The following FARP1 variants were observed in gnomAD, a reference collection of about 807,000 sequenced individuals.
FARP1 encodes the protein FERM, ARHGEF and pleckstrin domain-containing protein 1.
In FARP1, 52 loss-of-function variants were observed where a neutral mutation model predicts 128.8. That is an observed-to-expected ratio of 0.40 (90% CI 0.32 to 0.51). The LOEUF is 0.51. Among genes scored for constraint, FARP1 ranks in the 20% least tolerant of loss-of-function variants. The pLI is 0.45. For missense variants in FARP1, 1,333 were observed against 1,367.9 expected (o/e 0.97, Z 0.40); for synonymous variants, 580 against 551.8 (o/e 1.05, Z -0.72).
At chr13:98,318,023 C>T (rs1328572652) in intron 2 of FARP1, among the ~76,000 whole-genome samples, 1 of 148,950 alleles carries the variant, frequency 6.7e-6, no homozygotes, top group Non-Finnish European at 1.5e-5. Flanking sequence ...TCATCTCCTT[C>T]TTCCTCCTCC....
chr13:98,232,353 G>A (rs1240305896), intron 2 of FARP1, among the ~76,000 whole-genome samples: 2 of 152,284 alleles, frequency 1.3e-5, no homozygotes, highest in Admixed American at 6.5e-5. Context: ...CATGCTAGGA[G>A]TGTAGATTTC....
intron 1 of FARP1, among the ~76,000 whole-genome samples, chr13:98,160,778 T>C (rs560358094): frequency 4.6e-5 from 7 of 152,194 alleles, no homozygotes; most frequent in Non-Finnish European, 1.0e-4. Flanking sequence ...TTCTCCTGCC[T>C]CAGCCTCCTG....
At chr13:98,318,240 G>A (rs1044289640) in intron 2 of FARP1, among the ~76,000 whole-genome samples, 2 of 148,044 alleles carry the variant, frequency 1.4e-5, no homozygotes, top group African/African-American at 5.0e-5. Flanking sequence ...ATTTTTTTTT[G>A]TGGAGATATG....
chr13:98,286,798 T>C (rs973902278), intron 2 of FARP1, among the ~76,000 whole-genome samples: 4 of 152,192 alleles, frequency 2.6e-5, no homozygotes, highest in African/African-American at 9.7e-5. Flanking sequence ...CTTGTTGTTG[T>C]TTAAAGAAAT....
At chr13:98,344,195 G>A (rs1888084825) in intron 3 of FARP1, among the ~76,000 whole-genome samples, 1 of 152,184 alleles carries the variant, frequency 6.6e-6, no homozygotes, top group African/African-American at 2.4e-5. Context: ...AGAACTGTAG[G>A]CAGATTGGAA....
intron 6 of FARP1, chr13:98,382,606 G>A (rs1318243245): frequency 6.6e-6 from 1 of 152,124 alleles, no homozygotes; most frequent in Non-Finnish European, 1.5e-5. Context: ...CTGAAAATTC[G>A]CTTATTTACT....
chr13:98,278,292 ATGTG>A (rs61379815), intron 2 of FARP1, among the ~76,000 whole-genome samples: 15 of 149,468 alleles, frequency 1.0e-4, no homozygotes, highest in East Asian at 2.0e-4. Flanking sequence ...GTGTGTATGT[ATGTG>A]TGTGTGTGTG....
chr13:98,389,320 G>A (rs1890217711), intron 9 of FARP1, among the ~76,000 whole-genome samples: 1 of 152,204 alleles, frequency 6.6e-6, no homozygotes, highest in Admixed American at 6.5e-5. Flanking sequence ...AGTTAGAACT[G>A]CTGGGAATGC....
At chr13:98,367,806 C>T (rs758689064) in intron 4 of FARP1, among the ~76,000 whole-genome samples, 1 of 152,148 alleles carries the variant, frequency 6.6e-6, no homozygotes, top group African/African-American at 2.4e-5. Flanking sequence ...CAATTAGATA[C>T]ATTTTTGAAG....
At chr13:98,200,387 AC>A (rs34861204) in intron 1 of FARP1, among the ~76,000 whole-genome samples, 10,761 of 127,376 alleles carry the variant, frequency 0.084, 476 homozygotes, top group African/African-American at 0.18. Context: ...TGCAACCTTC[AC>A]CCCCCCCCCC....
intron 2 of FARP1, among the ~76,000 whole-genome samples, chr13:98,294,649 G>A (rs1326519068): frequency 1.3e-5 from 2 of 152,182 alleles, no homozygotes; most frequent in African/African-American, 4.8e-5. Context: ...GCACTTTAGA[G>A]ATTGGCTTTG....
intron 2 of FARP1, among the ~76,000 whole-genome samples, chr13:98,277,148 A>ACACACACACACACACACACCCC (rs372627844): frequency 2.2e-5 from 3 of 138,654 alleles, no homozygotes; most frequent in East Asian, 2.0e-4. Flanking sequence ...ACACACACAC[A>ACACACACACACACACACACCCC]CCCCATATGT....
intron 6 of FARP1, chr13:98,383,731 T>C (rs935002882): frequency 1.3e-5 from 2 of 152,236 alleles, no homozygotes; most frequent in African/African-American, 2.4e-5. Flanking sequence ...GACCTTGAAC[T>C]AGTGTTGTTA....
intron 2 of FARP1, among the ~76,000 whole-genome samples, chr13:98,320,194 A>T: frequency 6.6e-6 from 1 of 152,094 alleles, no homozygotes; most frequent in Middle Eastern, 3.2e-3. Context: ...GTGGGCCTGG[A>T]GTCAAGGCTC....
At chr13:98,305,134 A>T (rs1189104501) in intron 2 of FARP1, among the ~76,000 whole-genome samples, 1 of 150,336 alleles carries the variant, frequency 6.7e-6, no homozygotes, top group Non-Finnish European at 1.5e-5. Flanking sequence ...TAATTTATTT[A>T]TTTTTTATTT....
chr13:98,422,949 C>T (rs960395210), intron 16 of FARP1, among the ~76,000 whole-genome samples: 14 of 152,252 alleles, frequency 9.2e-5, no homozygotes, highest in South Asian at 4.1e-4. Flanking sequence ...TTGACTCACA[C>T]GTTCACAAGG....
At chr13:98,288,777 A>AT (rs1466632987) in intron 2 of FARP1, among the ~76,000 whole-genome samples, 2 of 152,212 alleles carry the variant, frequency 1.3e-5, no homozygotes, top group Non-Finnish European at 2.9e-5. Flanking sequence ...CCTGCTGGAT[A>AT]TCCAGTGAAT....
intron 2 of FARP1, among the ~76,000 whole-genome samples, chr13:98,289,808 C>G (rs182087361): frequency 6.6e-6 from 1 of 152,274 alleles, no homozygotes; most frequent in African/African-American, 2.4e-5. Context: ...AGCCTGGCAT[C>G]TGGGACTGTC....
intron 2 of FARP1, among the ~76,000 whole-genome samples, chr13:98,221,269 G>A (rs933276633): frequency 8.5e-5 from 13 of 152,282 alleles, no homozygotes; most frequent in African/African-American, 3.1e-4. Flanking sequence ...GTTCTTTCAC[G>A]GAATTGAGGC....
Sources: allele counts gnomAD v4.1 joint callset (sites outside exome capture counted in the v4.1 genomes callset), GRCh38; gene constraint gnomAD v4.1.1; transcripts MANE v1.5; gene names NCBI Gene and HGNC (gene_info 2026-07-23, HGNC 2026-07-21).